CENPV: variants seen among roughly 807,000 people sequenced by gnomAD.
CENPV encodes the protein centromere protein V.
In CENPV, 15 loss-of-function variants were observed where a neutral mutation model predicts 26.4. That is an observed-to-expected ratio of 0.57 (90% CI 0.38 to 0.88). The LOEUF is 0.88. Ranked by LOEUF, CENPV falls within the 40% of genes least tolerant of loss-of-function variation. The probability of loss-of-function intolerance (pLI) is 0.00; values close to 1 mark genes in which losing one functional copy is unlikely to be tolerated. For missense variants in CENPV, 336 were observed against 376.5 expected (o/e 0.89, Z 0.89); for synonymous variants, 172 against 165.5 (o/e 1.04, Z -0.30).
At position 16,353,353 on chromosome 17, in the gene CENPV, C is replaced by G; in HGVS notation, c.84G>C (p.Ala28=). Residue 28 remains alanine, a synonymous_variant, in exon 1 of 5, where the codon GCG becomes GCC. Coordinates refer to ENST00000299736, the MANE Select transcript of CENPV (RefSeq NM_181716.3). ...SGASAAPAAS[A]AAALAPSATR... ...TGGCGCTGGGTGCCAAGGCAGCGGC[C>G]GCGGAGGCCGCGGGGGCCGCGGAGG... is the stretch of plus-strand genomic sequence containing the variant. The G allele has an allele frequency of 2.4e-6, 3 of 1,273,424 alleles. No homozygotes were observed. Among genetic ancestry groups the G allele is most frequent in the Non-Finnish European group, 3.0e-6 (3 of 1,014,422 alleles). 78.9% of individuals were successfully genotyped at this position (1,273,424 alleles called of 1,614,324 possible).
chr17:16,352,100 G>A (rs1240420603), intron 1 of CENPV, among the ~76,000 whole-genome samples: 1 of 152,212 alleles, frequency 6.6e-6, no homozygotes, highest in Non-Finnish European at 1.5e-5. Flanking sequence ...CTCAGGTTAT[G>A]CAATTGCTAG....
intron 1 of CENPV, 52 bp downstream of exon 1, chr17:16,352,975 G>A: frequency 6.7e-7 from 1 of 1,490,350 alleles, no homozygotes; most frequent in Non-Finnish European, 8.9e-7. Context: ...GACTCCTGCC[G>A]AGGGGGTCCG....
intron 1 of CENPV, among the ~76,000 whole-genome samples, 178 bp from the exon 2 acceptor site, chr17:16,350,207 C>G (rs2093223264): frequency 6.6e-6 from 1 of 152,134 alleles, no homozygotes; most frequent in African/African-American, 2.4e-5. Flanking sequence ...GTTTCAGCAC[C>G]TTCTTTGTCC....
intron 2 of CENPV, chr17:16,349,609 T>G (rs950197822): frequency 9.2e-7 from 1 of 1,085,220 alleles, no homozygotes; most frequent in African/African-American, 1.7e-5. Context: ...GGCTTTCCAC[T>G]CAGTACCCAG....
chr17:16,343,652 C>T (rs183275879), intron 4 of CENPV, among the ~76,000 whole-genome samples: 72 of 152,308 alleles, frequency 4.7e-4, no homozygotes, highest in Admixed American at 4.1e-3. Context: ...TACTTTTCAA[C>T]TCTTTCCTGT....
At chr17:16,343,018 C>T (rs2093189083) in intron 4 of CENPV, 77 bp from the exon 5 acceptor site, 15 of 1,533,668 alleles carry the variant, frequency 9.8e-6, no homozygotes, top group Non-Finnish European at 1.3e-5. Context: ...CCTGGATAAG[C>T]CCCCACCTGC....
intron 3 of CENPV, chr17:16,347,596 G>T (rs1003097632): frequency 6.6e-6 from 1 of 152,192 alleles, no homozygotes; most frequent in African/African-American, 2.4e-5. Context: ...ATTTCTAAGA[G>T]AATTGATCCT....
chr17:16,352,893 C>G, intron 1 of CENPV, 134 bp downstream of exon 1: 1 of 1,272,596 alleles, frequency 7.9e-7, no homozygotes, highest in Middle Eastern at 3.0e-4. Flanking sequence ...AACGGGGGAG[C>G]CGCGTCGGCT....
At chr17:16,344,484 A>T in intron 4 of CENPV, 113 bp downstream of exon 4, 1 of 498,440 alleles carries the variant, frequency 2.0e-6, no homozygotes, top group Non-Finnish European at 3.6e-6. Context: ...CCTCTAAGAT[A>T]CGCATGTGAC....
intron 1 of CENPV, among the ~76,000 whole-genome samples, chr17:16,352,130 T>G (rs2093231183): frequency 6.6e-6 from 1 of 152,190 alleles, no homozygotes; most frequent in South Asian, 2.1e-4. Context: ...GTCGGTTTTT[T>G]CCCCCTAGTG....
At chr17:16,348,819 G>C (rs931845959) in intron 2 of CENPV, 134 bp from the exon 3 acceptor site, 1 of 1,470,450 alleles carries the variant, frequency 6.8e-7, no homozygotes, top group Non-Finnish European at 9.0e-7. Context: ...CGAGGAGCTG[G>C]GGCAAAGGCC....
chr17:16,349,008 C>G, intron 2 of CENPV: 2 of 1,048,728 alleles, frequency 1.9e-6, no homozygotes, highest in Non-Finnish European at 2.3e-6. Context: ...AAACAAATTT[C>G]AGACACTGCT....
intron 3 of CENPV, among the ~76,000 whole-genome samples, chr17:16,345,645 G>C (rs2093203583): frequency 6.6e-6 from 1 of 151,680 alleles, no homozygotes; most frequent in Non-Finnish European, 1.5e-5. Flanking sequence ...TGAGGACAGA[G>C]ACCCATCTAC....
chr17:16,343,902 A>T (rs183776241), intron 4 of CENPV, among the ~76,000 whole-genome samples: 4 of 152,072 alleles, frequency 2.6e-5, no homozygotes, highest in Non-Finnish European at 4.4e-5. Flanking sequence ...TTCCCCTTCA[A>T]TTCACACTAT....
intron 1 of CENPV, among the ~76,000 whole-genome samples, chr17:16,352,279 G>A (rs1467423207): frequency 6.6e-6 from 1 of 152,172 alleles, no homozygotes; most frequent in Non-Finnish European, 1.5e-5. Context: ...CCCTTTAACA[G>A]CCCAGTTAAA....
intron 1 of CENPV, 129 bp from the exon 2 acceptor site, chr17:16,350,158 C>A: frequency 8.9e-7 from 1 of 1,122,958 alleles, no homozygotes. Flanking sequence ...TGCATTTCTG[C>A]TTTTAAGGAG....
At chr17:16,345,195 G>A (rs963476297) in intron 3 of CENPV, among the ~76,000 whole-genome samples, 9 of 149,318 alleles carry the variant, frequency 6.0e-5, no homozygotes, top group South Asian at 2.1e-4. Flanking sequence ...CTGGAAGGCC[G>A]AGCTTGCAGT....
intron 1 of CENPV, chr17:16,351,116 G>A (rs1389144573): frequency 1.3e-5 from 2 of 151,732 alleles, no homozygotes; most frequent in African/African-American, 2.4e-5. Flanking sequence ...ATTTTTAGTA[G>A]AGACGGGGTT....
At chr17:16,350,344 A>ATTT (rs755226283) in intron 1 of CENPV, among the ~76,000 whole-genome samples, 2 of 143,202 alleles carry the variant, frequency 1.4e-5, no homozygotes, top group East Asian at 2.0e-4. Flanking sequence ...CAAATACTAA[A>ATTT]TTTTTTTTTT....
Sources: gnomAD v4.1 joint callset for allele counts (sites outside exome capture counted in the v4.1 genomes callset) on GRCh38, gnomAD v4.1.1 for gene constraint, MANE v1.5 for transcripts, NCBI Gene and HGNC (gene_info 2026-07-23, HGNC 2026-07-21) for gene names.